The following ZNF76 variants were observed in gnomAD, a reference collection of about 807,000 sequenced individuals.
The protein encoded by ZNF76 is zinc finger protein 76, also known as zinc finger protein 523.
Under a neutral mutation model 66.9 loss-of-function variants are expected in ZNF76, and 66 were observed. The ratio of observed to expected loss-of-function variants is 0.99; its 90% CI spans 0.81 to 1.21. The LOEUF (loss-of-function observed/expected upper bound fraction) is 1.21. Among genes scored for constraint, ZNF76 ranks in the 50% most tolerant of loss-of-function variants. The probability of loss-of-function intolerance (pLI) is 0.00; values close to 1 mark genes in which losing one functional copy is unlikely to be tolerated. For synonymous variants in ZNF76, 275 were observed against 296.1 expected, an observed-to-expected ratio of 0.93 and a Z score of 0.73; for missense variants, 729 against 760.3, an observed-to-expected ratio of 0.96 and a Z score of 0.48.
intron 4 of ZNF76, 102 bp downstream of exon 4, chr6:35,286,501 C>T: frequency 1.8e-6 from 2 of 1,096,482 alleles, no homozygotes; most frequent in Non-Finnish European, 2.7e-6. Context: ...GGGGTGTAGA[C>T]ATGGGAGCTG....
rs1467908292 is a variant in ZNF76 at position 35,294,830 on chromosome 6, GTC to G, written c.1608+265_1608+266del. On this transcript the variant is annotated intron_variant, in intron 13 of 13. Transcript: ENST00000373953. ...TGGTCCAAGCCCTTCATCATTTTGT[GTC>G]TCTGTTTCTTCATCTGGAAATGAAG... is the stretch of plus-strand genomic sequence containing the variant. 1.9e-4 allele frequency: 109 copies of G among 570,824 alleles called. No homozygotes were observed. The East Asian group carries it at 3.2e-3, about 17-fold the overall frequency. 35.4% of individuals were successfully genotyped at this position (570,824 alleles called of 1,614,324 possible).
chr6:35,278,176 CT>C (rs975565367), intron 1 of ZNF76, among the ~76,000 whole-genome samples: 18 of 150,068 alleles, frequency 1.2e-4, no homozygotes, highest in African/African-American at 2.4e-5. Flanking sequence ...TTGTTTTTTT[CT>C]TTTTTTTTGA....
Position 35,262,644 on chromosome 6 carries a change from G to A in ZNF76, c.-97+2803G>A, listed in dbSNP as rs562960074. Among the ~76,000 whole-genome samples, 13 of 152,154 alleles carry A rather than the reference G, an allele frequency of 8.5e-5. No homozygotes were observed. The East Asian group carries it at 2.5e-3, about 29-fold the overall frequency. On this transcript the variant is annotated intron_variant, in intron 1 of 13. Transcript: ENST00000373953. ...CCTTTCATCCTATTTTTTAGTCTCAGTGTTCTACTCCCACCACCCCACCTT... is the reference window on the plus strand; with the variant it reads ...CCTTTCATCCTATTTTTTAGTCTCAATGTTCTACTCCCACCACCCCACCTT...
intron 1 of ZNF76, among the ~76,000 whole-genome samples, chr6:35,278,420 T>A (rs562184059): frequency 6.6e-6 from 1 of 152,344 alleles, no homozygotes; most frequent in Non-Finnish European, 1.5e-5. Context: ...TTTGCCAAGA[T>A]ATTGATCCGC....
chr6:35,269,280 CAAAAAAAAA>C (rs10615994), intron 1 of ZNF76, among the ~76,000 whole-genome samples: 4 of 82,244 alleles, frequency 4.9e-5, no homozygotes, highest in South Asian at 5.8e-4. Flanking sequence ...GACTCTGTCT[CAAAAAAAAA>C]AAAAAAAAAA....
intron 1 of ZNF76, among the ~76,000 whole-genome samples, chr6:35,276,399 C>T (rs1787895760): frequency 1.3e-5 from 2 of 152,218 alleles, no homozygotes; most frequent in South Asian, 2.1e-4. Flanking sequence ...CTTTAGGTTC[C>T]TCTTCCTTCC....
At chr6:35,290,499 G>A in intron 6 of ZNF76, 117 bp downstream of exon 6, 6 of 1,534,364 alleles carry the variant, frequency 3.9e-6, no homozygotes, top group Non-Finnish European at 5.3e-6. Context: ...GGGAAGAAAT[G>A]AGGGTACACA....
chr6:35,264,464 C>T (rs1188996658), intron 1 of ZNF76, among the ~76,000 whole-genome samples: 1 of 151,998 alleles, frequency 6.6e-6, no homozygotes, highest in Non-Finnish European at 1.5e-5. Context: ...GTTGCAGAGA[C>T]GATTAAGGAA....
chr6:35,291,477 C>T, intron 8 of ZNF76, 74 bp downstream of exon 8: 2 of 1,611,240 alleles, frequency 1.2e-6, no homozygotes, highest in Non-Finnish European at 1.7e-6. Context: ...AGACTTAGAC[C>T]TGGAGCCCAG....
chr6:35,283,495 G>A (rs528265430), intron 2 of ZNF76, among the ~76,000 whole-genome samples: 4 of 152,358 alleles, frequency 2.6e-5, no homozygotes, highest in East Asian at 3.9e-4. Context: ...GTGGAAGAAT[G>A]TGCTATTAAT....
chr6:35,272,376 A>G (rs557882190), intron 1 of ZNF76, among the ~76,000 whole-genome samples: 3 of 152,256 alleles, frequency 2.0e-5, no homozygotes, highest in African/African-American at 7.2e-5. Context: ...GTCTCAGGCA[A>G]GAAGATTACT....
intron 2 of ZNF76, among the ~76,000 whole-genome samples, chr6:35,282,379 A>T (rs1016731159): frequency 5.3e-5 from 8 of 151,832 alleles, no homozygotes; most frequent in African/African-American, 1.9e-4. Context: ...AAAAAAAAAA[A>T]GTATTGTTTA....
intron 1 of ZNF76, among the ~76,000 whole-genome samples, chr6:35,260,123 C>T (rs1216530561): frequency 1.3e-5 from 2 of 152,034 alleles, no homozygotes; most frequent in Admixed American, 1.3e-4. Flanking sequence ...CAAGACCTCA[C>T]CAGGTAACCG....
intron 1 of ZNF76, among the ~76,000 whole-genome samples, chr6:35,278,985 C>G (rs1788340292): frequency 6.6e-6 from 1 of 152,096 alleles, no homozygotes; most frequent in Admixed American, 6.6e-5. Flanking sequence ...GTAGGTTGAG[C>G]CCAGAGGTGT....
At chr6:35,261,510 TTTGTTTGG>T (rs1785252204) in intron 1 of ZNF76, among the ~76,000 whole-genome samples, 1 of 75,518 alleles carries the variant, frequency 1.3e-5, no homozygotes, top group Non-Finnish European at 4.4e-5. Flanking sequence ...TTCCCATATT[TTTGTTTGG>T]TTGGTTGGTT....
intron 1 of ZNF76, among the ~76,000 whole-genome samples, chr6:35,274,042 A>G (rs746774624): frequency 3.3e-5 from 5 of 152,180 alleles, no homozygotes; most frequent in Admixed American, 2.0e-4. Context: ...GTATTTTTCT[A>G]TAATAAACAT....
intron 12 of ZNF76, chr6:35,294,209 ATC>A (rs1790854466): frequency 1.7e-6 from 1 of 583,314 alleles, no homozygotes; most frequent in African/African-American, 1.9e-5. Context: ...GGATTAAAAT[ATC>A]TCTGGAATTT....
chr6:35,262,050 C>A (rs1785334206), intron 1 of ZNF76, among the ~76,000 whole-genome samples: 1 of 151,538 alleles, frequency 6.6e-6, no homozygotes, highest in Non-Finnish European at 1.5e-5. Context: ...GAAATGAAGA[C>A]CTAAAGAAAT....
chr6:35,284,601 A>G (rs1476365454), intron 2 of ZNF76, among the ~76,000 whole-genome samples: 2 of 152,098 alleles, frequency 1.3e-5, no homozygotes, highest in East Asian at 1.9e-4. Context: ...GGGTTTCACC[A>G]TGTTGGTTAG....
Sources: allele counts gnomAD v4.1 joint callset (sites outside exome capture counted in the v4.1 genomes callset), GRCh38; gene constraint gnomAD v4.1.1; transcripts MANE v1.5; gene names NCBI Gene and HGNC (gene_info 2026-07-23, HGNC 2026-07-21).